The following STK3 variants were observed in gnomAD, a reference collection of about 807,000 sequenced individuals.
The protein encoded by STK3 is serine/threonine-protein kinase 3.
Under a neutral mutation model 58.0 loss-of-function variants are expected in STK3, and 41 were observed. The ratio of observed to expected loss-of-function variants is 0.71; its 90% CI spans 0.55 to 0.92. The LOEUF (loss-of-function observed/expected upper bound fraction) is 0.92, where lower values mean the gene tolerates loss of function less well. STK3 is among the 40% of genes least tolerant of loss of function. The pLI is 0.00. For synonymous variants in STK3, 170 were observed against 191.0 expected (o/e 0.89, Z 0.91); for missense variants, 479 against 602.7 (o/e 0.79, Z 2.15).
At chr8:98,818,848 G>A (rs531821297) in intron 1 of STK3, among the ~76,000 whole-genome samples, 2 of 151,734 alleles carry the variant, frequency 1.3e-5, no homozygotes, top group East Asian at 1.9e-4. Context: ...TTTTTGAGAC[G>A]GAGTCTCTGT....
At chr8:98,890,246 T>C (rs1838145996) in intron 1 of STK3, among the ~76,000 whole-genome samples, 1 of 152,192 alleles carries the variant, frequency 6.6e-6, no homozygotes, top group Non-Finnish European at 1.5e-5. Context: ...GCCAACATGA[T>C]TCTGATTCAT....
At chr8:98,827,141 G>T (rs1397342061), upstream of STK3, among the ~76,000 whole-genome samples, 1 of 122,980 alleles carries the variant, frequency 8.1e-6, no homozygotes, top group East Asian at 2.5e-4. Context: ...TTCAAGACCA[G>T]CCTGGCCAAC....
chr8:98,650,406 G>C (rs1014476271), intron 6 of STK3, among the ~76,000 whole-genome samples: 2 of 152,266 alleles, frequency 1.3e-5, no homozygotes, highest in African/African-American at 4.8e-5. Context: ...CTCTCAGCGT[G>C]AGCGACACAG....
intron 1 of STK3, among the ~76,000 whole-genome samples, chr8:98,923,828 CGTGTGTGTGTGT>C (rs55929161): frequency 1.4e-5 from 2 of 144,306 alleles, no homozygotes; most frequent in Non-Finnish European, 3.0e-5. Flanking sequence ...TTTGCAAAAA[CGTGTGTGTGTGT>C]GTGTGTGTGT....
intron 7 of STK3, among the ~76,000 whole-genome samples, chr8:98,589,780 G>C (rs1384845928): frequency 6.6e-6 from 1 of 152,238 alleles, no homozygotes. Flanking sequence ...TCTGAGCCAG[G>C]TGCGGGATAT....
intron 3 of STK3, among the ~76,000 whole-genome samples, chr8:98,867,512 T>C (rs1837189922): frequency 1.3e-5 from 2 of 151,908 alleles, no homozygotes; most frequent in South Asian, 4.1e-4. Context: ...AAAACCTCCA[T>C]ATGCTTTCTA....
chr8:98,650,435 A>T (rs766853401), intron 6 of STK3, among the ~76,000 whole-genome samples: 5 of 152,228 alleles, frequency 3.3e-5, no homozygotes, highest in Non-Finnish European at 7.3e-5. Flanking sequence ...TGATTTCTAC[A>T]TTTCCATCTG....
chr8:98,600,963 TAGC>T (rs1816292678), intron 6 of STK3, among the ~76,000 whole-genome samples: 1 of 152,186 alleles, frequency 6.6e-6, no homozygotes, highest in Admixed American at 6.5e-5. Context: ...TGTCAATTCA[TAGC>T]AGCAATTATG....
chr8:98,422,379 C>T lies in STK3; in HGVS notation n.483+11748G>A, dbSNP rs980640129. On this transcript the variant is annotated intron_variant and non_coding_transcript_variant, in intron 3 of 3. Transcript: ENST00000517832. Reference sequence around the variant, plus strand: ...TCCCTCATTCCAGGGTCTCGCTCTCCTGCCTCCCTCATCTCCAGGCCTGCC... The same window carrying T: ...TCCCTCATTCCAGGGTCTCGCTCTCTTGCCTCCCTCATCTCCAGGCCTGCC... 5.9e-5 allele frequency among the ~76,000 whole-genome samples: 9 copies of T among 152,224 alleles called. 1 individual carries two copies. In the South Asian group the frequency reaches 6.2e-4, roughly 11 times the overall value.
At chr8:98,617,260 C>G (rs1035006351) in intron 6 of STK3, among the ~76,000 whole-genome samples, 2 of 146,060 alleles carry the variant, frequency 1.4e-5, no homozygotes, top group African/African-American at 5.1e-5. Context: ...TTCTTTGAAA[C>G]CAACGAGAAC....
At chr8:98,589,596 C>A (rs1815064753) in intron 7 of STK3, among the ~76,000 whole-genome samples, 1 of 152,250 alleles carries the variant, frequency 6.6e-6, no homozygotes, top group African/African-American at 2.4e-5. Context: ...CAGATGCAGG[C>A]AGGCCTTCTT....
chr8:98,699,689 C>A (rs940303242), intron 6 of STK3, among the ~76,000 whole-genome samples: 1 of 152,196 alleles, frequency 6.6e-6, no homozygotes, highest in South Asian at 2.1e-4. Flanking sequence ...TTTTCATGAA[C>A]CGCGAATGCT....
intron 6 of STK3, among the ~76,000 whole-genome samples, chr8:98,689,920 A>G (rs1005777664): frequency 1.3e-5 from 2 of 152,244 alleles, no homozygotes; most frequent in South Asian, 4.1e-4. Flanking sequence ...GATTTACCAC[A>G]TAAGGAGAAT....
At chr8:98,570,469 T>C (rs1812870837) in intron 8 of STK3, among the ~76,000 whole-genome samples, 1 of 152,114 alleles carries the variant, frequency 6.6e-6, no homozygotes, top group African/African-American at 2.4e-5. Context: ...ATTTTAAAAC[T>C]AGATTTAATA....
chr8:98,707,399 CGTGTGT>C, intron 4 of STK3, 88 bp from the exon 5 acceptor site: 1 of 992,014 alleles, frequency 1.0e-6, no homozygotes. Context: ...TATGTCTTTC[CGTGTGT>C]GTGTGTGTGT....
chr8:98,474,602 G>A (rs556681031), intron 10 of STK3, among the ~76,000 whole-genome samples: 1 of 152,174 alleles, frequency 6.6e-6, no homozygotes, highest in South Asian at 2.1e-4. Context: ...TCCCCACTTT[G>A]GCTTCAAGAC....
intron 4 of STK3, among the ~76,000 whole-genome samples, chr8:98,723,512 C>T (rs1827582938): frequency 1.3e-5 from 2 of 152,216 alleles, no homozygotes; most frequent in African/African-American, 2.4e-5. Flanking sequence ...TTTTAAAATA[C>T]ATATACTGCC....
At chr8:98,932,990 C>T (rs1465396793) in intron 1 of STK3, among the ~76,000 whole-genome samples, 1 of 149,648 alleles carries the variant, frequency 6.7e-6, no homozygotes, top group East Asian at 1.9e-4. Flanking sequence ...TTACTTTCCT[C>T]CTGAGCCTCT....
At chr8:98,674,552 A>T (rs1823058790) in intron 6 of STK3, among the ~76,000 whole-genome samples, 1 of 152,158 alleles carries the variant, frequency 6.6e-6, no homozygotes, top group Non-Finnish European at 1.5e-5. Flanking sequence ...GTAAAAAAGC[A>T]TTCTATATAT....
Sources: allele counts gnomAD v4.1 joint callset (sites outside exome capture counted in the v4.1 genomes callset), GRCh38; gene constraint gnomAD v4.1.1; transcripts MANE v1.5; gene names NCBI Gene and HGNC (gene_info 2026-07-23, HGNC 2026-07-21).